NAALADL2: variants seen among roughly 807,000 people sequenced by gnomAD.
The protein encoded by NAALADL2 is inactive N-acetylated-alpha-linked acidic dipeptidase-like protein 2.
Under a neutral mutation model 87.2 loss-of-function variants are expected in NAALADL2, and 76 were observed. That is an observed-to-expected ratio of 0.87 (90% CI 0.72 to 1.05). The LOEUF (loss-of-function observed/expected upper bound fraction) is 1.05, where lower values mean the gene tolerates loss of function less well. Among genes scored for constraint, NAALADL2 ranks in the 50% least tolerant of loss-of-function variants. NAALADL2 has a pLI of 0.00. For missense variants in NAALADL2, 1,089 were observed against 945.8 expected (o/e 1.15, Z -1.99); for synonymous variants, 354 against 331.0 (o/e 1.07, Z -0.75).
intron 1 of NAALADL2, among the ~76,000 whole-genome samples, chr3:175,030,719 G>A (rs540670861): frequency 6.6e-6 from 1 of 152,136 alleles, no homozygotes; most frequent in South Asian, 2.1e-4. Flanking sequence ...AAAGAGAAAA[G>A]AAGTGTAGCA....
At chr3:174,924,678 A>G (rs975220831) in intron 1 of NAALADL2, among the ~76,000 whole-genome samples, 5 of 152,142 alleles carry the variant, frequency 3.3e-5, no homozygotes, top group African/African-American at 1.2e-4. Flanking sequence ...AGTCCCACCA[A>G]CATTGTAGAA....
At chr3:174,816,789 C>G (rs950560125) in intron 3 of NAALADL2, among the ~76,000 whole-genome samples, 1 of 152,066 alleles carries the variant, frequency 6.6e-6, no homozygotes, top group Non-Finnish European at 1.5e-5. Context: ...CTAGCCCTGA[C>G]AGTTACTTGC....
At chr3:175,388,247 C>T (rs754269818) in intron 5 of NAALADL2, among the ~76,000 whole-genome samples, 34 of 152,122 alleles carry the variant, frequency 2.2e-4, no homozygotes, top group Middle Eastern at 3.4e-3. Flanking sequence ...ATAGTAGAGG[C>T]GCTAGCTAGC....
At chr3:175,093,431 T>A (rs1309261052) in intron 1 of NAALADL2, among the ~76,000 whole-genome samples, 1 of 144,928 alleles carries the variant, frequency 6.9e-6, no homozygotes, top group Non-Finnish European at 1.5e-5. Flanking sequence ...TATATATATA[T>A]ATGTTTTAAG....
intron 1 of NAALADL2, among the ~76,000 whole-genome samples, chr3:174,971,310 T>C (rs1180584522): frequency 6.6e-6 from 1 of 152,206 alleles, no homozygotes; most frequent in Non-Finnish European, 1.5e-5. Flanking sequence ...TGGATTGGAT[T>C]GATATTGTTA....
At chr3:174,733,345 C>T (rs1230366197) in intron 2 of NAALADL2, among the ~76,000 whole-genome samples, 1 of 152,110 alleles carries the variant, frequency 6.6e-6, no homozygotes, top group Non-Finnish European at 1.5e-5. Context: ...AAAGAGAATC[C>T]TTAATGTTGG....
intron 11 of NAALADL2, among the ~76,000 whole-genome samples, chr3:175,674,426 A>G (rs142426679): frequency 4.0e-5 from 6 of 150,746 alleles, no homozygotes; most frequent in Non-Finnish European, 8.8e-5. Context: ...CCCCTGGCTA[A>G]TGTTTTTTTT....
chr3:175,451,069 C>G lies in NAALADL2; in HGVS notation c.1234+3697C>G, dbSNP rs181938091. ...GGAGAAAGAGAGAGAGAAAAAGAAACCCTTATTTATATGATTAGAGCCCTA... is the reference window on the plus strand; with the variant it reads ...GGAGAAAGAGAGAGAGAAAAAGAAAGCCTTATTTATATGATTAGAGCCCTA... On this transcript the variant is annotated intron_variant, in intron 6 of 13. Coordinates refer to ENST00000454872, the MANE Select transcript of NAALADL2 (RefSeq NM_207015.3). Among the ~76,000 whole-genome samples the G allele has an allele frequency of 1.6e-4, 24 of 151,962 alleles. No individual in the cohort carries two copies. In the East Asian group the frequency reaches 3.5e-3, roughly 22 times the overall value.
intron 5 of NAALADL2, among the ~76,000 whole-genome samples, chr3:175,375,500 G>A (rs1767027910): frequency 6.6e-6 from 1 of 152,022 alleles, no homozygotes. Flanking sequence ...TATTATGTGT[G>A]TACCTATTTA....
chr3:174,672,030 T>C (rs1013540643), intron 2 of NAALADL2, among the ~76,000 whole-genome samples: 1 of 152,112 alleles, frequency 6.6e-6, no homozygotes, highest in East Asian at 1.9e-4. Flanking sequence ...AGTAATGTAA[T>C]GTGTGGATAT....
chr3:174,709,673 A>T (rs1377657446), intron 2 of NAALADL2, among the ~76,000 whole-genome samples: 1 of 152,228 alleles, frequency 6.6e-6, no homozygotes, highest in African/African-American at 2.4e-5. Context: ...GAGACAGATA[A>T]GATAAAAATC....
At chr3:174,834,494 A>G (rs921891300) in intron 3 of NAALADL2, among the ~76,000 whole-genome samples, 1 of 152,032 alleles carries the variant, frequency 6.6e-6, no homozygotes, top group Non-Finnish European at 1.5e-5. Flanking sequence ...ATAGAGTTTG[A>G]AAAGAAGCAT....
chr3:174,629,954 A>G (rs546281724), intron 2 of NAALADL2, among the ~76,000 whole-genome samples: 1 of 152,214 alleles, frequency 6.6e-6, no homozygotes, highest in Non-Finnish European at 1.5e-5. Context: ...AATGTTGTGC[A>G]TAAAGAAATT....
At chr3:174,693,376 C>T (rs1728755388) in intron 2 of NAALADL2, among the ~76,000 whole-genome samples, 1 of 152,240 alleles carries the variant, frequency 6.6e-6, no homozygotes, top group Admixed American at 6.5e-5. Context: ...TATCTGGAAG[C>T]ATCATGAAGG....
chr3:174,850,923 A>G (rs909707155), intron 3 of NAALADL2, among the ~76,000 whole-genome samples: 13 of 152,172 alleles, frequency 8.5e-5, no homozygotes, highest in Non-Finnish European at 1.5e-4. Context: ...TTTTCTGACT[A>G]CAGTGGAATA....
chr3:174,733,209 T>C (rs1313404358), intron 2 of NAALADL2, among the ~76,000 whole-genome samples: 1 of 152,184 alleles, frequency 6.6e-6, no homozygotes, highest in Non-Finnish European at 1.5e-5. Context: ...AGTATTCTGA[T>C]TTTAGGTAAC....
intron 9 of NAALADL2, among the ~76,000 whole-genome samples, chr3:175,478,014 C>T (rs1484695683): frequency 6.6e-6 from 1 of 152,014 alleles, no homozygotes; most frequent in African/African-American, 2.4e-5. Flanking sequence ...TGAAACAAAG[C>T]TTAATTTCTT....
chr3:174,505,255 A>G (rs73040531), intron 1 of NAALADL2, among the ~76,000 whole-genome samples: 2,541 of 152,276 alleles, frequency 0.017, 72 homozygotes, highest in African/African-American at 0.059. Flanking sequence ...AAAAATTATA[A>G]CCTGCCAAGC....
chr3:175,633,927 A>C (rs1291720976), intron 11 of NAALADL2, among the ~76,000 whole-genome samples: 2 of 151,784 alleles, frequency 1.3e-5, no homozygotes, highest in Non-Finnish European at 2.9e-5. Flanking sequence ...AAGAAAAAGT[A>C]GTAGGAATAA....
Sources: gnomAD v4.1 joint callset for allele counts (sites outside exome capture counted in the v4.1 genomes callset) on GRCh38, gnomAD v4.1.1 for gene constraint, MANE v1.5 for transcripts, NCBI Gene and HGNC (gene_info 2026-07-23, HGNC 2026-07-21) for gene names.